The following CXCL12 variants were observed in gnomAD, a reference collection of about 807,000 sequenced individuals.
CXCL12 encodes C-X-C motif chemokine ligand 12.
CXCL12 carries 4 observed loss-of-function variants against 10.7 expected under a neutral mutation model. That is an observed-to-expected ratio of 0.37 (90% CI 0.18 to 0.86). The LOEUF is 0.86. CXCL12 is among the 40% of genes least tolerant of loss of function. The probability of loss-of-function intolerance (pLI) is 0.43; values close to 1 mark genes in which losing one functional copy is unlikely to be tolerated. For missense variants in CXCL12, 122 were observed against 110.4 expected (o/e 1.10, Z -0.47); for synonymous variants, 54 against 45.4 (o/e 1.19, Z -0.77).
At chr10:44,381,558 C>T (rs2132049496) in intron 1 of CXCL12, among the ~76,000 whole-genome samples, 1 of 152,370 alleles carries the variant, frequency 6.6e-6, no homozygotes, top group East Asian at 1.9e-4. Context: ...ATGTGGTTTT[C>T]ATTGCCTAGG....
At chr10:44,373,951 C>G (rs1361080181), downstream of CXCL12, among the ~76,000 whole-genome samples, 1 of 152,166 alleles carries the variant, frequency 6.6e-6, no homozygotes, top group African/African-American at 2.4e-5. Context: ...CTAGTTTCAA[C>G]CCACCAGGAA....
intron 1 of CXCL12, among the ~76,000 whole-genome samples, chr10:44,383,402 GT>G (rs1214324333): frequency 6.6e-6 from 1 of 152,016 alleles, no homozygotes; most frequent in Non-Finnish European, 1.5e-5. Context: ...CCCCAGGTCA[GT>G]TGCACCCATA....
At chr10:44,378,819 C>G in intron 2 of CXCL12, 96 bp from the exon 3 acceptor site, 2 of 1,238,922 alleles carry the variant, frequency 1.6e-6, no homozygotes, top group Non-Finnish European at 2.4e-6. Flanking sequence ...CTAGGGCCCT[C>G]GCTGGCACCC....
chr10:44,378,467 T>A lies in CXCL12; in HGVS notation c.*166A>T, dbSNP rs1418434307. ...GTATGCTATAAATGCAGGGTCTAAA[T>A]GCTGGCAAACCTCAGGCCCGATCCC... On this transcript the variant is annotated 3_prime_UTR_variant, in exon 3 of 3. Transcript: ENST00000343575. 2.0e-6 allele frequency: 3 copies of A among 1,537,440 alleles called. No individual in the cohort carries two copies. The highest frequency in any genetic ancestry group is 4.7e-5 in the East Asian group (2 of 42,234).
chr10:44,382,188 A>C (rs1839652465), intron 1 of CXCL12, among the ~76,000 whole-genome samples: 1 of 152,180 alleles, frequency 6.6e-6, no homozygotes, highest in South Asian at 2.1e-4. Context: ...GACTCATGGC[A>C]CTGGAGAGAC....
At chr10:44,379,410 T>A (rs1839560058) in intron 2 of CXCL12, among the ~76,000 whole-genome samples, 1 of 152,156 alleles carries the variant, frequency 6.6e-6, no homozygotes, top group Non-Finnish European at 1.5e-5. Flanking sequence ...ACATGCAAAC[T>A]CCTGGGGAAG....
downstream of CXCL12, chr10:44,376,022 C>T: frequency 6.2e-7 from 1 of 1,609,302 alleles, no homozygotes; most frequent in Non-Finnish European, 8.5e-7. Context: ...ACTTTTTCTT[C>T]TCTGCGCCCC....
intron 1 of CXCL12, among the ~76,000 whole-genome samples, chr10:44,381,132 C>T (rs10793537): frequency 6.6e-6 from 1 of 151,930 alleles, no homozygotes; most frequent in African/African-American, 2.4e-5. Flanking sequence ...CTAGATGAGG[C>T]GGGAGTTTAA....
chr10:44,372,562 TAACAC>T, downstream of CXCL12: 1 of 998,230 alleles, frequency 1.0e-6, no homozygotes, highest in Non-Finnish European at 1.3e-6. Flanking sequence ...TGTTTTCAGG[TAACAC>T]AAGACATTTT....
At chr10:44,373,418 G>A, downstream of CXCL12, 1 of 1,346,158 alleles carries the variant, frequency 7.4e-7, no homozygotes, top group Non-Finnish European at 1.0e-6. Flanking sequence ...AAGGACAGCG[G>A]CCTGCGCGGA....
rs1160101985 is a variant in CXCL12, at chr10:44,377,143, C to G, written c.*1490G>C. ...ACAGTAGGACGTTTATACCATGAAA[C>G]AATTAGCATTTTATTGCTAGTGCAT... is the stretch of plus-strand genomic sequence containing the variant. On this transcript the variant is annotated 3_prime_UTR_variant, in exon 3 of 3. Transcript: ENST00000343575. The G allele has an allele frequency of 1.0e-6, 1 of 986,012 alleles. No individual in the cohort carries two copies. Among genetic ancestry groups the G allele is most frequent in the Admixed American group, 6.1e-5 (1 of 16,352 alleles). The allele number at this position is 986,012 out of a possible 1,614,324, so 61.1% of individuals were successfully genotyped here. A position where few individuals can be genotyped will look rare whatever the true frequency, so the allele number is the denominator to read the frequency against.
downstream of CXCL12, chr10:44,375,830 T>C: frequency 6.5e-7 from 1 of 1,548,398 alleles, no homozygotes; most frequent in Non-Finnish European, 8.7e-7. Context: ...CCCACGGAAG[T>C]CTGAGCCCCT....
chr10:44,374,733 G>T (rs1459065245), downstream of CXCL12: 1 of 453,196 alleles, frequency 2.2e-6, no homozygotes, highest in African/African-American at 2.0e-5. Flanking sequence ...TGAATTCCAT[G>T]TGCTCCATCC....
chr10:44,383,265 G>C (rs3780891), intron 1 of CXCL12, among the ~76,000 whole-genome samples: 1 of 152,152 alleles, frequency 6.6e-6, no homozygotes, highest in Non-Finnish European at 1.5e-5. Context: ...TGTGTGTAAG[G>C]AGCAGATCTG....
At chr10:44,381,427 TG>T (rs1839628465) in intron 1 of CXCL12, among the ~76,000 whole-genome samples, 1 of 152,016 alleles carries the variant, frequency 6.6e-6, no homozygotes, top group Admixed American at 6.5e-5. Context: ...CCTAAAGCTC[TG>T]GAAGGCACAA....
Position 44,377,424 on chromosome 10 carries a change from T to C in CXCL12, c.*1209A>G, listed in dbSNP as rs1417249347. The C allele has an allele frequency of 9.0e-7, 1 of 1,115,002 alleles. No individual in the cohort carries two copies. Among genetic ancestry groups the C allele is most frequent in the African/African-American group, 1.7e-5 (1 of 60,074 alleles). The allele number at this position is 1,115,002 out of a possible 1,614,324, so 69.1% of individuals were successfully genotyped here. On this transcript the variant is annotated 3_prime_UTR_variant, in exon 3 of 3. Coordinates refer to ENST00000343575, the MANE Select transcript of CXCL12 (RefSeq NM_199168.4). ...AAAAAAATGTGCACAAAAATATATATAAAAAAATGCCTTGCAAAAAGTTAC... is the reference window on the plus strand; with the variant it reads ...AAAAAAATGTGCACAAAAATATATACAAAAAAATGCCTTGCAAAAAGTTAC...
intron 1 of CXCL12, among the ~76,000 whole-genome samples, chr10:44,384,719 C>T (rs1461461883): frequency 6.6e-6 from 1 of 152,234 alleles, no homozygotes; most frequent in Non-Finnish European, 1.5e-5. Context: ...CGCTCTGCAG[C>T]CAGCTTGAGG....
chr10:44,383,496 T>A (rs1839696218), intron 1 of CXCL12, among the ~76,000 whole-genome samples: 1 of 151,210 alleles, frequency 6.6e-6, no homozygotes, highest in Non-Finnish European at 1.5e-5. Flanking sequence ...AGCGGCGCAC[T>A]GTGACACCTC....
At chr10:44,375,923 T>G, downstream of CXCL12, 1 of 1,611,192 alleles carries the variant, frequency 6.2e-7, no homozygotes, top group South Asian at 1.1e-5. Context: ...GTGGTCCATC[T>G]CGAGGTGGCA....
Sources: gnomAD v4.1 joint callset for allele counts (sites outside exome capture counted in the v4.1 genomes callset) on GRCh38, gnomAD v4.1.1 for gene constraint, MANE v1.5 for transcripts, NCBI Gene and HGNC (gene_info 2026-07-23, HGNC 2026-07-21) for gene names.